Variants in KPNA7 observed in about 807,000 individuals in gnomAD.
KPNA7 encodes importin subunit alpha-8.
A neutral mutation model predicts 53.7 loss-of-function variants in KPNA7; 54 were observed. The observed-to-expected ratio is 1.01, with a 90% CI of 0.81 to 1.26. The LOEUF (loss-of-function observed/expected upper bound fraction) is 1.26. Ranked by LOEUF, KPNA7 falls within the 50% of genes most tolerant of loss-of-function variation. The pLI is 0.00. For missense variants in KPNA7, 640 were observed against 644.5 expected (o/e 0.99, Z 0.07); for synonymous variants, 276 against 259.3 (o/e 1.06, Z -0.62).
At chr7:99,178,319 A>AAC (rs1798999563) in intron 9 of KPNA7, among the ~76,000 whole-genome samples, 1 of 152,136 alleles carries the variant, frequency 6.6e-6, no homozygotes, top group Non-Finnish European at 1.5e-5. Flanking sequence ...CCTGTAATCC[A>AAC]ACACTTTGGG....
the KPNA7 span, among the ~76,000 whole-genome samples, chr7:99,163,286 AAATAT>A: frequency 1.4e-5 from 2 of 148,094 alleles, no homozygotes; most frequent in Non-Finnish European, 3.0e-5. Context: ...TTTCAATTAC[AAATAT>A]ATTAAATTTG....
the KPNA7 span, among the ~76,000 whole-genome samples, chr7:99,145,844 G>A: frequency 7.0e-4 from 107 of 152,224 alleles, 1 homozygote; most frequent in African/African-American, 2.4e-3. Context: ...TCTCTCCTGG[G>A]CAGGATTCAA....
intron 8 of KPNA7, among the ~76,000 whole-genome samples, chr7:99,183,469 A>G (rs1789389534): frequency 6.6e-6 from 1 of 152,202 alleles, no homozygotes; most frequent in Non-Finnish European, 1.5e-5. Context: ...TGAAATATAA[A>G]TGTCCTTTGA....
intron 1 of KPNA7, among the ~76,000 whole-genome samples, chr7:99,216,232 T>C (rs1345658706): frequency 6.6e-6 from 1 of 152,102 alleles, no homozygotes; most frequent in Admixed American, 6.6e-5. Flanking sequence ...TCTTGCTACA[T>C]TGCCCAGGCT....
chr7:99,174,429 TCATCCCGAAAC>T (rs537277024), intron 10 of KPNA7, among the ~76,000 whole-genome samples: 5 of 152,298 alleles, frequency 3.3e-5, no homozygotes, highest in Admixed American at 2.0e-4. Flanking sequence ...TGCTCTTGAA[TCATCCCGAAAC>T]CATCCCCTCA....
At position 99,178,209 on chromosome 7, in the gene KPNA7, T is replaced by C. The variant is rs1798994148; in HGVS notation, c.1318-143A>G. On this transcript the variant is annotated intron_variant, in intron 9 of 10. Transcript: ENST00000327442. ...GAATGGATAGTTGCAATTTCACTTTTCCCAAATTGGTTGAAAATTACATGA... is the reference window on the plus strand; with the variant it reads ...GAATGGATAGTTGCAATTTCACTTTCCCCAAATTGGTTGAAAATTACATGA... The C allele has an allele frequency of 4.3e-6, 3 of 699,654 alleles. No individual in the cohort carries two copies. The South Asian group carries it at 6.2e-5, about 14-fold the overall frequency. 43.3% of individuals were successfully genotyped at this position (699,654 alleles called of 1,614,324 possible). A position where few individuals can be genotyped will look rare whatever the true frequency, so the allele number is the denominator to read the frequency against.
At chr7:99,195,944 T>C (rs1790207089) in intron 4 of KPNA7, 140 bp downstream of exon 4, 2 of 666,956 alleles carry the variant, frequency 3.0e-6, no homozygotes, top group East Asian at 2.7e-5. Flanking sequence ...ATTTCGTCTT[T>C]TAGATGGGCT....
rs1394171735 is a variant in KPNA7 at position 99,195,061 on chromosome 7, G to A, written c.553+9C>T. The A allele has an allele frequency of 6.4e-7, 1 of 1,550,550 alleles. No homozygotes were observed. The highest frequency in any genetic ancestry group is 8.7e-7 in the Non-Finnish European group (1 of 1,146,224). On this transcript the variant is annotated intron_variant, in intron 5 of 10. Transcript: ENST00000327442. ...CCGTTTTCTTAGCCCACTAAGGGGA[G>A]AGTCTCACCGGCTATATTACCAAGA...
At chr7:99,162,020 G>A in the KPNA7 span, among the ~76,000 whole-genome samples, 1 of 151,068 alleles carries the variant, frequency 6.6e-6, no homozygotes, top group Non-Finnish European at 1.5e-5. Flanking sequence ...CAGTGTGCAT[G>A]GCTAACCAAG....
intron 3 of KPNA7, among the ~76,000 whole-genome samples, chr7:99,201,373 A>G (rs989876100): frequency 2.0e-5 from 3 of 152,078 alleles, no homozygotes; most frequent in African/African-American, 7.2e-5. Context: ...TTTAAAAAAT[A>G]TGCTAATATG....
Position 99,180,617 on chromosome 7 carries a change from ATC to A in KPNA7, c.1317+1264_1317+1265del, listed in dbSNP as rs1177156350. Among the ~76,000 whole-genome samples the A allele has an allele frequency of 1.7e-4, 20 of 121,004 alleles. 1 individual carries two copies. Among genetic ancestry groups the A allele is most frequent in the African/African-American group, 5.6e-4 (18 of 31,892 alleles). The allele number at this position is 121,004 out of a possible 152,430, so 79.4% of individuals were successfully genotyped here. On this transcript the variant is annotated intron_variant, in intron 9 of 10. Coordinates refer to ENST00000327442, the MANE Select transcript of KPNA7 (RefSeq NM_001145715.3). ...TCTCTCCGTCTCTGTCTCTCTCCCC[ATC>A]TCTCTCTCCCCGTCTCTCTCTCCGT...
chr7:99,184,780 T>C, intron 8 of KPNA7, 149 bp downstream of exon 8: 1 of 697,132 alleles, frequency 1.4e-6, no homozygotes, highest in Admixed American at 2.8e-5. Context: ...CCCCCTTCCT[T>C]TTTTTCAGGC....
chr7:99,193,212 G>A (rs1198943226), intron 5 of KPNA7, 111 bp from the exon 6 acceptor site: 2 of 608,902 alleles, frequency 3.3e-6, no homozygotes, highest in African/African-American at 3.9e-5. Context: ...CTCATTCCCG[G>A]GTTTAGCAAG....
chr7:99,215,975 T>TAAA (rs77323325), intron 1 of KPNA7, among the ~76,000 whole-genome samples: 1 of 133,782 alleles, frequency 7.5e-6, no homozygotes, highest in Admixed American at 7.6e-5. Flanking sequence ...CTTCTCTAAT[T>TAAA]AAAAAAAAAA....
rs761013720 is a variant in KPNA7 at position 99,181,027 on chromosome 7, C to CTCTCTCTCTCTCCG, written c.1317+855_1317+856insCGGAGAGAGAGAGA. 1.6e-4 allele frequency among the ~76,000 whole-genome samples: 21 copies of CTCTCTCTCTCTCCG among 132,970 alleles called. 10 individuals are homozygous for CTCTCTCTCTCTCCG. The highest frequency in any genetic ancestry group is 4.8e-4 in the South Asian group (2 of 4,132). 87.2% of individuals were successfully genotyped at this position (132,970 alleles called of 152,430 possible). ...TCTCTCTCTCTCTGTGTGTGTGTCT[C>CTCTCTCTCTCTCCG]TCTGTGTGTGTCTCTCTCTCTCTCT... On this transcript the variant is annotated intron_variant, in intron 9 of 10. Transcript: ENST00000327442.
intron 9 of KPNA7, among the ~76,000 whole-genome samples, chr7:99,181,054 C>T (rs1023206970): frequency 1.9e-4 from 2 of 10,512 alleles, no homozygotes; most frequent in African/African-American, 6.0e-4. Flanking sequence ...TCTCTCTCTC[C>T]GTCTGTGTCT....
intron 5 of KPNA7, among the ~76,000 whole-genome samples, chr7:99,194,297 C>G (rs916480075): frequency 6.6e-6 from 1 of 152,180 alleles, no homozygotes; most frequent in African/African-American, 2.4e-5. Flanking sequence ...TCTGAGGATT[C>G]CACTTTCAGG....
chr7:99,159,366 A>G, the KPNA7 span, among the ~76,000 whole-genome samples: 4 of 151,564 alleles, frequency 2.6e-5, no homozygotes, highest in African/African-American at 7.3e-5. Flanking sequence ...AAAAAAAAAA[A>G]AAAAAAAGGA....
At chr7:99,215,962 TC>T (rs937332971) in intron 1 of KPNA7, among the ~76,000 whole-genome samples, 21 of 148,078 alleles carry the variant, frequency 1.4e-4, no homozygotes, top group African/African-American at 5.2e-4. Context: ...AGGCAAGAGA[TC>T]CCTTCTCTAA....
Sources: allele counts gnomAD v4.1 joint callset (sites outside exome capture counted in the v4.1 genomes callset), GRCh38; gene constraint gnomAD v4.1.1; transcripts MANE v1.5; gene names NCBI Gene and HGNC (gene_info 2026-07-23, HGNC 2026-07-21).